PRKG1: variants seen among roughly 807,000 people sequenced by gnomAD.
PRKG1 encodes cGMP-dependent protein kinase 1.
PRKG1 carries 35 observed loss-of-function variants against 88.1 expected under a neutral mutation model. The ratio of observed to expected loss-of-function variants is 0.40; its 90% confidence interval spans 0.30 to 0.53. PRKG1 has a LOEUF of 0.53. PRKG1 is among the 20% of genes least tolerant of loss of function. The probability of loss-of-function intolerance (pLI) is 0.59; values close to 1 mark genes in which losing one functional copy is unlikely to be tolerated. For synonymous variants in PRKG1, 303 were observed against 292.5 expected (o/e 1.04, Z -0.37); for missense variants, 540 against 839.8 (o/e 0.64, Z 4.41).
At chr10:51,661,264 A>T (rs188514958) in intron 3 of PRKG1, among the ~76,000 whole-genome samples, 250 of 152,276 alleles carry the variant, frequency 1.6e-3, no homozygotes, top group Middle Eastern at 0.01. Context: ...CTTACAGTTG[A>T]TCCAAAAACC....
intron 1 of PRKG1, among the ~76,000 whole-genome samples, chr10:51,147,046 G>A (rs1589193495): frequency 6.6e-6 from 1 of 152,236 alleles, no homozygotes; most frequent in East Asian, 1.9e-4. Context: ...GTCAGTCACA[G>A]AAATATAAAT....
At chr10:51,335,626 G>A (rs986992603) in intron 2 of PRKG1, among the ~76,000 whole-genome samples, 1 of 152,066 alleles carries the variant, frequency 6.6e-6, no homozygotes, top group Non-Finnish European at 1.5e-5. Flanking sequence ...CGGCCTCCAA[G>A]GTTCAAGTGA....
Position 51,196,727 on chromosome 10 carries a change from A to G in PRKG1, c.478+43397A>G, listed in dbSNP as rs139747280. 3.3e-5 allele frequency among the ~76,000 whole-genome samples: 5 copies of G among 152,316 alleles called. No homozygotes were observed. The East Asian group carries it at 9.6e-4, about 29-fold the overall frequency. On this transcript the variant is annotated intron_variant, in intron 2 of 17. Coordinates refer to ENST00000373980, the MANE Select transcript of PRKG1 (RefSeq NM_006258.4). ...CAGGTGTGGATAGGTGTGACTCATA[A>G]CACACTGAAGCAGATGGTAAATATT...
chr10:51,678,421 A>C (rs1840764599), intron 3 of PRKG1, among the ~76,000 whole-genome samples: 1 of 152,198 alleles, frequency 6.6e-6, no homozygotes. Flanking sequence ...AATAAAAATA[A>C]AAATTCTTAG....
At position 52,133,779 on chromosome 10, in the gene PRKG1, A is replaced by T. The variant is rs17642863; in HGVS notation, c.936-61A>T. The T allele has an allele frequency of 0.2, 278,044 of 1,376,976 alleles. 30,824 individuals are homozygous for T. Among genetic ancestry groups the T allele is most frequent in the South Asian group, 0.3 (24,719 of 83,748 alleles). The allele number at this position is 1,376,976 out of a possible 1,614,324, so 85.3% of individuals were successfully genotyped here. A position where few individuals can be genotyped will look rare whatever the true frequency, so the allele number is the denominator to read the frequency against. ...TAAATTTTTTCCTGAATTAATCACAATGGACACTGTGCTTTGATATTAAAG... is the reference window on the plus strand; with the variant it reads ...TAAATTTTTTCCTGAATTAATCACATTGGACACTGTGCTTTGATATTAAAG... On this transcript the variant is annotated intron_variant, in intron 7 of 17. Coordinates refer to ENST00000373980, the MANE Select transcript of PRKG1 (RefSeq NM_006258.4).
At chr10:51,900,490 A>G (rs1179270067) in intron 4 of PRKG1, among the ~76,000 whole-genome samples, 1 of 152,208 alleles carries the variant, frequency 6.6e-6, no homozygotes, top group Non-Finnish European at 1.5e-5. Context: ...TGCTTTGGTC[A>G]TTTGGAAATC....
chr10:51,212,730 T>A (rs905926618), intron 2 of PRKG1, among the ~76,000 whole-genome samples: 7 of 152,206 alleles, frequency 4.6e-5, no homozygotes, highest in African/African-American at 1.7e-4. Context: ...TCATCATCAC[T>A]GGCCATCAGA....
intron 3 of PRKG1, among the ~76,000 whole-genome samples, chr10:51,474,262 C>G (rs575461313): frequency 2.6e-5 from 4 of 152,074 alleles, no homozygotes; most frequent in East Asian, 3.9e-4. Flanking sequence ...CTATATTGCT[C>G]TACTATCACA....
rs1417965644 is a variant in PRKG1, at chr10:51,892,981, G to T, written c.699-14526G>T. ...GTAATTTATTTAATTCCATAAAAAT[G>T]TATATGATTTTATTTTTGATGCAGG... On this transcript the variant is annotated intron_variant, in intron 4 of 17. Coordinates refer to ENST00000373980, the MANE Select transcript of PRKG1 (RefSeq NM_006258.4). Among the ~76,000 whole-genome samples the T allele has an allele frequency of 4.6e-5, 7 of 152,226 alleles. No individual in the cohort carries two copies. In the East Asian group the frequency reaches 1.4e-3, roughly 29 times the overall value.
chr10:51,546,676 T>TA (rs1212842132), intron 3 of PRKG1, among the ~76,000 whole-genome samples: 3 of 152,082 alleles, frequency 2.0e-5, no homozygotes, highest in African/African-American at 7.2e-5. Context: ...TGAAGATTTT[T>TA]ATGCATAATG....
chr10:51,908,734 A>ATATATATATATTTTT (rs563212069), intron 5 of PRKG1: 46 of 52,202 alleles, frequency 8.8e-4, no homozygotes, highest in Middle Eastern at 0.01. Context: ...TCTATATGTA[A>ATATATATATATTTTT]TTTTTTTTTT....
At chr10:51,029,377 G>T (rs1843248515) in intron 1 of PRKG1, among the ~76,000 whole-genome samples, 1 of 152,084 alleles carries the variant, frequency 6.6e-6, no homozygotes, top group Admixed American at 6.6e-5. Context: ...TTTGCCTAAT[G>T]GTTTATATTT....
At chr10:52,257,287 C>G (rs995478606) in intron 10 of PRKG1, among the ~76,000 whole-genome samples, 12 of 138,520 alleles carry the variant, frequency 8.7e-5, no homozygotes, top group African/African-American at 3.0e-4. Flanking sequence ...TGCCTTGGCA[C>G]TATAAAAACA....
At chr10:51,858,960 G>A (rs1840793545) in intron 4 of PRKG1, among the ~76,000 whole-genome samples, 1 of 152,024 alleles carries the variant, frequency 6.6e-6, no homozygotes, top group African/African-American at 2.4e-5. Flanking sequence ...TGCTTCCCAA[G>A]GAGCTGATAT....
intron 4 of PRKG1, among the ~76,000 whole-genome samples, chr10:51,809,505 A>G (rs566883290): frequency 6.6e-6 from 1 of 152,302 alleles, no homozygotes; most frequent in South Asian, 2.1e-4. Context: ...TGCTATTAAA[A>G]CTGGTATCTA....
intron 5 of PRKG1, among the ~76,000 whole-genome samples, chr10:51,975,983 A>C (rs1843822193): frequency 6.6e-6 from 1 of 151,982 alleles, no homozygotes; most frequent in South Asian, 2.1e-4. Context: ...AGCCAAGACA[A>C]AATACAAGTG....
At chr10:51,510,087 G>A (rs1226258698) in intron 3 of PRKG1, among the ~76,000 whole-genome samples, 1 of 152,114 alleles carries the variant, frequency 6.6e-6, no homozygotes, top group Non-Finnish European at 1.5e-5. Flanking sequence ...AAAAAGTTAA[G>A]TTATACCAAC....
chr10:51,438,865 TACATTTATAAATGA>T (rs1473334037), intron 2 of PRKG1, among the ~76,000 whole-genome samples: 1 of 151,908 alleles, frequency 6.6e-6, no homozygotes, highest in South Asian at 2.1e-4. Flanking sequence ...CTGCAAATTG[TACATTTATAAATGA>T]ACAGTTTTAC....
intron 3 of PRKG1, among the ~76,000 whole-genome samples, chr10:51,718,849 A>AAG (rs1564619868): frequency 1.3e-5 from 2 of 151,784 alleles, no homozygotes; most frequent in Admixed American, 6.6e-5. Context: ...AAAAAAAAAA[A>AAG]AAGTTAGAAT....
Sources: allele counts gnomAD v4.1 joint callset (sites outside exome capture counted in the v4.1 genomes callset), GRCh38; gene constraint gnomAD v4.1.1; transcripts MANE v1.5; gene names NCBI Gene and HGNC (gene_info 2026-07-23, HGNC 2026-07-21).